CDH4: variants seen among roughly 807,000 people sequenced by gnomAD.
CDH4 encodes the protein cadherin-4.
A neutral mutation model predicts 86.0 loss-of-function variants in CDH4; 33 were observed. That is an observed-to-expected ratio of 0.38 (90% CI 0.29 to 0.51). The LOEUF is 0.51. Ranked by LOEUF, CDH4 falls within the 20% of genes least tolerant of loss-of-function variation. The probability of loss-of-function intolerance (pLI) is 0.86; values close to 1 mark genes in which losing one functional copy is unlikely to be tolerated. For synonymous variants in CDH4, 555 were observed against 549.4 expected (o/e 1.01, Z -0.14); for missense variants, 1,114 against 1,307.4 (o/e 0.85, Z 2.28).
intron 2 of CDH4, among the ~76,000 whole-genome samples, chr20:61,608,331 T>A (rs1445409315): frequency 1.3e-5 from 2 of 152,142 alleles, no homozygotes; most frequent in Non-Finnish European, 2.9e-5. Context: ...ATGGGTCCAG[T>A]CAAAGAGAAG....
Position 61,936,999 on chromosome 20 carries a change from G to A in CDH4, c.*56G>A, listed in dbSNP as rs2055200014. The stretch of plus-strand genomic sequence containing the variant: ...GCCGTGCTCGGACGCCGGAGGAGCA[G>A]GACTGAGCAGAGGCGGCCGGTCTTC... On this transcript the variant is annotated 3_prime_UTR_variant, in exon 16 of 16. Transcript: ENST00000614565. 1 of 1,463,206 alleles carries A rather than the reference G, an allele frequency of 6.8e-7. No homozygotes were observed. Among genetic ancestry groups the A allele is most frequent in the African/African-American group, 1.4e-5 (1 of 70,476 alleles). The allele number at this position is 1,463,206 out of a possible 1,614,324, so 90.6% of individuals were successfully genotyped here.
At chr20:61,680,213 C>T (rs961803016) in intron 2 of CDH4, among the ~76,000 whole-genome samples, 1 of 152,242 alleles carries the variant, frequency 6.6e-6, no homozygotes, top group African/African-American at 2.4e-5. Context: ...CCCCTGTCCT[C>T]CACAGGAGCC....
chr20:61,380,935 G>T (rs1053919918), intron 2 of CDH4, among the ~76,000 whole-genome samples: 2 of 152,208 alleles, frequency 1.3e-5, no homozygotes, highest in Non-Finnish European at 2.9e-5. Context: ...AAATTTAGAT[G>T]ACATAAAAAT....
intron 2 of CDH4, among the ~76,000 whole-genome samples, chr20:61,317,543 T>C (rs1389929619): frequency 1.3e-5 from 2 of 152,108 alleles, no homozygotes; most frequent in Non-Finnish European, 2.9e-5. Context: ...TCACCATTGC[T>C]CCAGACCAGG....
At chr20:61,686,771 G>A (rs989622522) in intron 2 of CDH4, among the ~76,000 whole-genome samples, 2 of 151,764 alleles carry the variant, frequency 1.3e-5, no homozygotes, top group Admixed American at 6.6e-5. Context: ...GTGTGCATTC[G>A]CGCGTGTGTG....
intron 6 of CDH4, among the ~76,000 whole-genome samples, chr20:61,859,512 G>A (rs1418734009): frequency 6.6e-6 from 1 of 152,220 alleles, no homozygotes; most frequent in African/African-American, 2.4e-5. Context: ...TTTTCTAACA[G>A]TTGTTTAGGT....
intron 2 of CDH4, among the ~76,000 whole-genome samples, chr20:61,648,141 C>A (rs1364303680): frequency 6.6e-6 from 1 of 152,200 alleles, no homozygotes; most frequent in Non-Finnish European, 1.5e-5. Context: ...ACCGGCCACA[C>A]CACACCATCG....
intron 2 of CDH4, among the ~76,000 whole-genome samples, chr20:61,554,765 A>G (rs1225954182): frequency 6.6e-6 from 1 of 152,226 alleles, no homozygotes; most frequent in Non-Finnish European, 1.5e-5. Context: ...ATATATGTGC[A>G]TATGTGCATG....
At chr20:61,444,310 T>TGTCTGGGTGTATATCTGTGTGTC (rs1480511043) in intron 2 of CDH4, among the ~76,000 whole-genome samples, 1 of 140,918 alleles carries the variant, frequency 7.1e-6, no homozygotes, top group Non-Finnish European at 1.5e-5. Context: ...TGTGTATGTA[T>TGTCTGGGTGTATATCTGTGTGTC]TTTTGTGTAT....
chr20:61,463,672 C>T (rs1420489610), intron 2 of CDH4, among the ~76,000 whole-genome samples: 3 of 152,150 alleles, frequency 2.0e-5, no homozygotes, highest in Non-Finnish European at 4.4e-5. Flanking sequence ...AGCCACAGCA[C>T]CAGAGCTGTA....
chr20:61,309,520 T>A (rs2084434429), intron 2 of CDH4, among the ~76,000 whole-genome samples: 1 of 152,128 alleles, frequency 6.6e-6, no homozygotes, highest in Non-Finnish European at 1.5e-5. Flanking sequence ...GCATTTTACT[T>A]AGCAGTGGAT....
In CDH4 at chr20:61,933,020, C is replaced by G; in HGVS notation, c.2275C>G (p.Arg759Gly). 6.2e-7 allele frequency: 1 copy of G among 1,613,268 alleles called. No homozygotes were observed. The highest frequency in any genetic ancestry group is 8.5e-7 in the Non-Finnish European group (1 of 1,179,996). The change falls in exon 14 of 16, where the codon CGA (arginine) becomes GGA (glycine). Residue 759 changes from arginine (R) to glycine (G), a missense_variant. Arg to Gly is a moderately radical substitution (Grantham distance 125, BLOSUM62 -2). Coordinates refer to ENST00000614565, the MANE Select transcript of CDH4 (RefSeq NM_001794.5). The stretch of plus-strand genomic sequence containing the variant: ...GCTGTTTGTCATGTGGATGAAGCGG[C>G]GAGAGAAGGAGCGCCACACGAAGCA... ...VLLFVMWMKR[R>G]EKERHTKQLL...
intron 4 of CDH4, among the ~76,000 whole-genome samples, chr20:61,798,983 CCT>C (rs1343411333): frequency 2.0e-5 from 3 of 152,204 alleles, no homozygotes; most frequent in African/African-American, 7.2e-5. Context: ...TCAACAGTCC[CCT>C]GAGATTTCAC....
intron 4 of CDH4, among the ~76,000 whole-genome samples, chr20:61,840,550 C>G (rs1172126479): frequency 2.0e-5 from 3 of 152,250 alleles, no homozygotes; most frequent in African/African-American, 4.8e-5. Flanking sequence ...GTAGACATCA[C>G]TTTAAACTAA....
intron 2 of CDH4, among the ~76,000 whole-genome samples, chr20:61,695,558 G>A (rs544212623): frequency 2.6e-5 from 4 of 152,180 alleles, no homozygotes; most frequent in Non-Finnish European, 4.4e-5. Context: ...AGAGGAATCC[G>A]AGGTCTGCCA....
chr20:61,404,838 C>T (rs6061335), intron 2 of CDH4, among the ~76,000 whole-genome samples: 36,837 of 151,590 alleles, frequency 0.24, 4,867 homozygotes, highest in East Asian at 0.54. Context: ...ATCATAAGGT[C>T]AGGAGATCAA....
rs905264820 is a variant in CDH4, at chr20:61,806,335, T to C, written c.576+33153T>C. Among the ~76,000 whole-genome samples, 7 of 152,168 alleles carry C rather than the reference T, an allele frequency of 4.6e-5. 1 individual carries two copies. Among genetic ancestry groups the C allele is most frequent in the African/African-American group, 1.7e-4 (7 of 41,438 alleles). Reference sequence around the variant, plus strand: ...CTAAGGAAGCCTACCCAAAGCCTCATGCCCAGGACAAGGAGACCAGGCACC... The same window carrying C: ...CTAAGGAAGCCTACCCAAAGCCTCACGCCCAGGACAAGGAGACCAGGCACC... On this transcript the variant is annotated intron_variant, in intron 4 of 15. Transcript: ENST00000614565.
chr20:61,702,778 G>A (rs751876970), intron 2 of CDH4, among the ~76,000 whole-genome samples: 18 of 152,160 alleles, frequency 1.2e-4, no homozygotes, highest in Admixed American at 7.9e-4. Context: ...CTAGTTTATC[G>A]TGTTATTTTT....
At chr20:61,804,119 G>A (rs967544803) in intron 4 of CDH4, among the ~76,000 whole-genome samples, 1 of 152,374 alleles carries the variant, frequency 6.6e-6, no homozygotes, top group Admixed American at 6.5e-5. Context: ...GCTGGGACCC[G>A]GAGCAGGTGG....
Sources: allele counts gnomAD v4.1 joint callset (sites outside exome capture counted in the v4.1 genomes callset), GRCh38; gene constraint gnomAD v4.1.1; transcripts MANE v1.5; gene names NCBI Gene and HGNC (gene_info 2026-07-23, HGNC 2026-07-21).